The following PPP4R1 variants were observed in gnomAD, a reference collection of about 807,000 sequenced individuals.
PPP4R1 encodes the protein serine/threonine-protein phosphatase 4 regulatory subunit 1.
Under a neutral mutation model 111.2 loss-of-function variants are expected in PPP4R1, and 42 were observed. The ratio of observed to expected loss-of-function variants is 0.38; its 90% CI spans 0.29 to 0.49. The LOEUF is 0.49. Among genes scored for constraint, PPP4R1 ranks in the 20% least tolerant of loss-of-function variants. The probability of loss-of-function intolerance (pLI) is 0.97; values close to 1 mark genes in which losing one functional copy is unlikely to be tolerated. For synonymous variants in PPP4R1, 409 were observed against 405.5 expected (o/e 1.01, Z -0.10); for missense variants, 1,012 against 1,161.6 (o/e 0.87, Z 1.87).
chr18:9,549,381 A>G, intron 18 of PPP4R1, 43 bp from the exon 19 acceptor site: 3 of 1,552,532 alleles, frequency 1.9e-6, no homozygotes, highest in Non-Finnish European at 2.6e-6. Flanking sequence ...CTGTCAATGT[A>G]GCCAAAAACT....
At chr18:9,601,001 A>G (rs139751367) in intron 2 of PPP4R1, among the ~76,000 whole-genome samples, 1 of 152,356 alleles carries the variant, frequency 6.6e-6, no homozygotes, top group Non-Finnish European at 1.5e-5. Context: ...ATTCTTATGT[A>G]GCTCTGCATA....
intron 4 of PPP4R1, among the ~76,000 whole-genome samples, chr18:9,591,174 C>T (rs1343582116): frequency 6.6e-6 from 1 of 151,772 alleles, no homozygotes; most frequent in Non-Finnish European, 1.5e-5. Context: ...ACGGAGAAAT[C>T]CCATCTCTAC....
At position 9,601,340 on chromosome 18, in the gene PPP4R1, A is replaced by G. The variant is rs546988738; in HGVS notation, c.53-6187T>C. Among the ~76,000 whole-genome samples the G allele has an allele frequency of 9.6e-4, 146 of 152,104 alleles. 1 individual carries two copies. The highest frequency in any genetic ancestry group is 3.3e-3 in the African/African-American group (137 of 41,510). ...GGAGTTCGAGACCAGCCTGGCCAACATGGTAAAACCCCTTCTCTACTAAAA... is the reference window on the plus strand; with the variant it reads ...GGAGTTCGAGACCAGCCTGGCCAACGTGGTAAAACCCCTTCTCTACTAAAA... On this transcript the variant is annotated intron_variant, in intron 2 of 19. Transcript: ENST00000400556.
chr18:9,561,253 A>G (rs1384698619), intron 13 of PPP4R1, among the ~76,000 whole-genome samples: 1 of 146,226 alleles, frequency 6.8e-6, no homozygotes, highest in Non-Finnish European at 1.5e-5. Flanking sequence ...TAATAATAAT[A>G]ATAATAATAA....
chr18:9,606,701 C>A (rs1402365551), intron 2 of PPP4R1, among the ~76,000 whole-genome samples: 1 of 151,454 alleles, frequency 6.6e-6, no homozygotes, highest in Non-Finnish European at 1.5e-5. Context: ...ATATATACAC[C>A]ATATGTATAA....
intron 2 of PPP4R1, among the ~76,000 whole-genome samples, chr18:9,596,980 A>G (rs770271938): frequency 6.6e-6 from 1 of 152,152 alleles, no homozygotes; most frequent in Non-Finnish European, 1.5e-5. Flanking sequence ...AATAAATAAA[A>G]TGACAGAGCC....
chr18:9,593,825 C>A lies in PPP4R1; in HGVS notation c.238G>T (p.Asp80Tyr). Residue 80 changes from aspartate (D) to tyrosine (Y), a missense_variant, in exon 4 of 20, where the codon GAT (aspartate) becomes TAT (tyrosine). Asp to Tyr is a radical substitution (Grantham distance 160). Coordinates refer to ENST00000400556, the MANE Select transcript of PPP4R1 (RefSeq NM_001042388.3). ...AAAACAGCAATACAATCTCTTTCATCATCGCAGACTTCCCTCAAGGTATCG... is the reference window on the plus strand; with the variant it reads ...AAAACAGCAATACAATCTCTTTCATAATCGCAGACTTCCCTCAAGGTATCG... ...LLDTLREVCD[D>Y]ERDCIAVLER... 6.2e-7 allele frequency: 1 copy of A among 1,613,906 alleles called. No individual in the cohort carries two copies. The highest frequency in any genetic ancestry group is 8.5e-7 in the Non-Finnish European group (1 of 1,179,938).
chr18:9,570,612 C>T lies in PPP4R1; in HGVS notation c.1118G>A (p.Ser373Asn), dbSNP rs778880604. 4.3e-6 allele frequency: 7 copies of T among 1,613,934 alleles called. No individual in the cohort carries two copies. The highest frequency in any genetic ancestry group is 5.9e-6 in the Non-Finnish European group (7 of 1,179,950). The change falls in exon 11 of 20, where the codon AGT (serine) becomes AAT (asparagine). Residue 373 changes from serine (S) to asparagine (N), a missense_variant. Physicochemically the swap from Ser to Asn is conservative, Grantham distance 46 (BLOSUM62 1). Around this residue, in one of 2 missense-constraint regions of PPP4R1, gnomAD observed 707 missense variants for 742.1 expected, o/e 0.95. Coordinates refer to ENST00000400556, the MANE Select transcript of PPP4R1 (RefSeq NM_001042388.3). ...GTTTTCCAGTATGACACTGGAATTA[C>T]TAACACTGAGATCTGAAGGAGTATC... ...PEDTPSDLSV[S>N]NSSVILENTM...
Position 9,595,112 on chromosome 18 carries a change from T to C in PPP4R1, c.94A>G (p.Ile32Val). 1 of 1,613,872 alleles carries C rather than the reference T, an allele frequency of 6.2e-7. No individual in the cohort carries two copies. Among genetic ancestry groups the C allele is most frequent in the Non-Finnish European group, 8.5e-7 (1 of 1,179,848 alleles). The change falls in exon 3 of 20, where the codon ATA (isoleucine) becomes GTA (valine). Residue 32 changes from isoleucine to valine, a missense_variant. Around this residue, in one of 2 missense-constraint regions of PPP4R1, gnomAD observed 707 missense variants for 742.1 expected, o/e 0.95. Transcript: ENST00000400556. Reference sequence around the variant, plus strand: ...GAGACAAAGTCCAGGGCTGAAGGTATAATAATCACATCAGACTCTGAGCTG... The same window carrying C: ...GAGACAAAGTCCAGGGCTGAAGGTACAATAATCACATCAGACTCTGAGCTG... Reference protein sequence around the residue: ...DYSSESDVIIIPSALDFVSQD... With the variant: ...DYSSESDVIIVPSALDFVSQD...
chr18:9,591,755 T>C (rs570845366), intron 4 of PPP4R1, among the ~76,000 whole-genome samples: 2 of 152,104 alleles, frequency 1.3e-5, no homozygotes, highest in African/African-American at 4.8e-5. Context: ...TCAATTTCTA[T>C]CCAACAATTC....
At chr18:9,556,740 TCAA>T (rs2066592839) in intron 15 of PPP4R1, among the ~76,000 whole-genome samples, 1 of 152,226 alleles carries the variant, frequency 6.6e-6, no homozygotes, top group Non-Finnish European at 1.5e-5. Context: ...CAGTTGACTT[TCAA>T]CAACAGGGGT....
intron 2 of PPP4R1, among the ~76,000 whole-genome samples, chr18:9,601,221 A>G (rs1377455074): frequency 5.5e-5 from 8 of 144,574 alleles, no homozygotes; most frequent in Non-Finnish European, 6.0e-5. Flanking sequence ...TTTTTGGGGA[A>G]AAAAAAAAAA....
Position 9,547,673 on chromosome 18 carries a change from C to T in PPP4R1, c.*116G>A. On this transcript the variant is annotated 3_prime_UTR_variant, in exon 20 of 20. Transcript: ENST00000400556. ...AGGCAACTTGCACCTGCAATGAAGTCCGCAGGAGAGGAAGGTCTCTCCTCC... is the reference window on the plus strand; with the variant it reads ...AGGCAACTTGCACCTGCAATGAAGTTCGCAGGAGAGGAAGGTCTCTCCTCC... The T allele has an allele frequency of 7.7e-7, 1 of 1,299,510 alleles. No homozygotes were observed. The highest frequency in any genetic ancestry group is 1.1e-6 in the Non-Finnish European group (1 of 929,384). The allele number at this position is 1,299,510 out of a possible 1,614,324, so 80.5% of individuals were successfully genotyped here. A position where few individuals can be genotyped will look rare whatever the true frequency, so the allele number is the denominator to read the frequency against.
rs752200000 is a variant in PPP4R1, at chr18:9,588,768, A to G, written c.381T>C (p.Ala127=). The G allele has an allele frequency of 3.1e-6, 5 of 1,613,986 alleles. No homozygotes were observed. The highest frequency in any genetic ancestry group is 4.2e-6 in the Non-Finnish European group (5 of 1,179,864). ...CAATAGGTAGTAAGAATTTTGAAAA[A>G]GCATATGGTATTGAAGGCCGGTTTT... ...CQENRPSIPY[A]FSKFLLPIVV... The change falls in exon 5 of 20, where the codon GCT becomes GCC. Residue 127 remains alanine (A), a synonymous_variant. Transcript: ENST00000400556.
At position 9,577,208 on chromosome 18, in the gene PPP4R1, GACA is replaced by G; in HGVS notation, c.919-20_919-18del. ...TTGGCGAACCTAGGAAGATAAAAAGGACAATAATAAAGGAATCATTTTGAAAAA... is the reference window on the plus strand; with the variant it reads ...TTGGCGAACCTAGGAAGATAAAAAGGATAATAAAGGAATCATTTTGAAAAA... On this transcript the variant is annotated intron_variant, in intron 9 of 19. Transcript: ENST00000400556. The G allele has an allele frequency of 6.3e-7, 1 of 1,590,836 alleles. No homozygotes were observed. The highest frequency in any genetic ancestry group is 2.2e-5 in the East Asian group (1 of 44,660).
chr18:9,590,069 G>A (rs1359158724), intron 4 of PPP4R1: 1 of 152,110 alleles, frequency 6.6e-6, no homozygotes, highest in Non-Finnish European at 1.5e-5. Flanking sequence ...ATTCATAGAA[G>A]ACATGCAAGT....
At chr18:9,591,507 A>AGG (rs1312097912) in intron 4 of PPP4R1, among the ~76,000 whole-genome samples, 40 of 152,306 alleles carry the variant, frequency 2.6e-4, no homozygotes, top group South Asian at 1.9e-3. Context: ...GGGGAATAAA[A>AGG]AAATCAAGAT....
chr18:9,604,921 C>T (rs1007843911), intron 2 of PPP4R1, among the ~76,000 whole-genome samples: 26 of 152,140 alleles, frequency 1.7e-4, no homozygotes, highest in African/African-American at 6.3e-4. Flanking sequence ...TATACTTTAT[C>T]CTTCTCTAAG....
chr18:9,550,280 A>C lies in PPP4R1; in HGVS notation c.2410T>G (p.Leu804Val). ...VSSVRWISYK[L>V]VSEMVKKLHA... ...AATTTTAAAAGTTCAATACATACCA[A>C]CTTGTAGGAAATCCAACGAACAGAA... is the stretch of plus-strand genomic sequence containing the variant. The change falls in exon 17 of 20, where the codon TTG (leucine) becomes GTG (valine). Residue 804 changes from leucine to valine, a missense_variant and splice_region_variant. This residue lies in a region of PPP4R1 where 305 missense variants were observed against 419.5 expected (regional missense o/e 0.73). Transcript: ENST00000400556. 3 of 1,613,956 alleles carry C rather than the reference A, an allele frequency of 1.9e-6. No individual in the cohort carries two copies. In the African/African-American group the frequency reaches 4.0e-5, roughly 22 times the overall value.
Sources: gnomAD v4.1 joint callset for allele counts (sites outside exome capture counted in the v4.1 genomes callset) on GRCh38, gnomAD v4.1.1 for gene constraint, gnomAD v4.1.1 regional missense constraint, MANE v1.5 for transcripts, NCBI Gene and HGNC (gene_info 2026-07-23, HGNC 2026-07-21) for gene names.